The following FRMD4A variants were observed in gnomAD, a reference collection of about 807,000 sequenced individuals.
The protein encoded by FRMD4A is FERM domain containing 4A.
In FRMD4A, 29 loss-of-function variants were observed where a neutral mutation model predicts 129.1. The observed-to-expected ratio is 0.22, with a 90% CI of 0.17 to 0.31. The LOEUF (loss-of-function observed/expected upper bound fraction) is 0.31. Among genes scored for constraint, FRMD4A ranks in the 10% least tolerant of loss-of-function variants. The pLI is 1.00. For missense variants in FRMD4A, 1,272 were observed against 1,375.8 expected (o/e 0.92, Z 1.19); for synonymous variants, 634 against 571.6 (o/e 1.11, Z -1.56).
chr10:13,835,523 G>A (rs555895630), intron 3 of FRMD4A, among the ~76,000 whole-genome samples: 4 of 152,082 alleles, frequency 2.6e-5, no homozygotes, highest in East Asian at 1.9e-4. Context: ...TCCCCATCGC[G>A]CATTATTGCC....
intron 2 of FRMD4A, among the ~76,000 whole-genome samples, chr10:14,045,271 C>T (rs1274754218): frequency 1.3e-5 from 2 of 152,160 alleles, no homozygotes; most frequent in Non-Finnish European, 2.9e-5. Context: ...CTTCAGCACA[C>T]CTTTGCCTTT....
At chr10:13,851,837 T>C (rs1322845944) in intron 3 of FRMD4A, among the ~76,000 whole-genome samples, 1 of 151,254 alleles carries the variant, frequency 6.6e-6, no homozygotes, top group Non-Finnish European at 1.5e-5. Context: ...GAGGCGAAGG[T>C]TACAGTGAGC....
intron 2 of FRMD4A, chr10:14,097,121 G>T (rs145468564): frequency 9.4e-6 from 1 of 106,344 alleles, no homozygotes; most frequent in Admixed American, 1.5e-4. Context: ...CAGCCTGCAC[G>T]ACACAGTGAG....
chr10:14,201,906 G>C (rs1349535333), intron 2 of FRMD4A, among the ~76,000 whole-genome samples: 3 of 152,116 alleles, frequency 2.0e-5, no homozygotes, highest in African/African-American at 7.2e-5. Context: ...TGAGGCGGCT[G>C]GATCATAAGG....
chr10:13,733,714 A>G (rs1291085156), intron 12 of FRMD4A, among the ~76,000 whole-genome samples: 3 of 152,316 alleles, frequency 2.0e-5, no homozygotes, highest in Non-Finnish European at 4.4e-5. Flanking sequence ...GGCGTGAGCC[A>G]CCTCACCTGG....
intron 2 of FRMD4A, among the ~76,000 whole-genome samples, chr10:14,181,135 A>G (rs1228232838): frequency 6.6e-6 from 1 of 152,256 alleles, no homozygotes; most frequent in African/African-American, 2.4e-5. Context: ...AAAGTGTCTC[A>G]CAGTGGGAAA....
chr10:14,001,332 C>A (rs2095642216), intron 2 of FRMD4A, among the ~76,000 whole-genome samples: 1 of 152,154 alleles, frequency 6.6e-6, no homozygotes, highest in Non-Finnish European at 1.5e-5. Flanking sequence ...GATGGTGAGG[C>A]ATGACGAGGG....
In FRMD4A at chr10:13,711,204, A is replaced by G. The variant is rs116248434; in HGVS notation, c.760-4091T>C. ...CCAGGGCCGGGGTGCAGCTTGCTGG[A>G]AAAGCATCATTTTCTTCATGGGGTC... On this transcript the variant is annotated intron_variant, in intron 12 of 24. Transcript: ENST00000357447. Among the ~76,000 whole-genome samples, 1,030 of 152,336 alleles carry G rather than the reference A, an allele frequency of 6.8e-3. 10 individuals carry two copies. Among genetic ancestry groups the G allele is most frequent in the African/African-American group, 0.024 (977 of 41,564 alleles).
At chr10:13,664,009 TC>T (rs779422594) in intron 18 of FRMD4A, among the ~76,000 whole-genome samples, 9 of 152,180 alleles carry the variant, frequency 5.9e-5, no homozygotes, top group Non-Finnish European at 1.3e-4. Flanking sequence ...AAATACAGGC[TC>T]CATCTCTCCA....
intron 2 of FRMD4A, among the ~76,000 whole-genome samples, chr10:14,098,811 C>T (rs981079652): frequency 3.3e-5 from 5 of 152,174 alleles, no homozygotes; most frequent in Admixed American, 6.5e-5. Flanking sequence ...CTGAGACCTT[C>T]GCTCACACCA....
At chr10:13,738,021 G>A (rs910318643) in intron 11 of FRMD4A, 91 bp from the exon 12 acceptor site, 3 of 744,046 alleles carry the variant, frequency 4.0e-6, no homozygotes, top group Non-Finnish European at 7.2e-6. Context: ...GGCAGACGAG[G>A]GAAAGGGCCA....
In FRMD4A at chr10:14,191,046, C is replaced by T. The variant is rs930690607; in HGVS notation, c.45+139012G>A. ...CCAACTTTAGCCAGTTCTTTTATCTCACAGGTGGAGAGAGTTTTAGTGTCG... is the reference window on the plus strand; with the variant it reads ...CCAACTTTAGCCAGTTCTTTTATCTTACAGGTGGAGAGAGTTTTAGTGTCG... On this transcript the variant is annotated intron_variant, in intron 2 of 24. Coordinates refer to ENST00000357447, the MANE Select transcript of FRMD4A (RefSeq NM_018027.5). Among the ~76,000 whole-genome samples, 10 of 152,310 alleles carry T rather than the reference C, an allele frequency of 6.6e-5. No individual in the cohort carries two copies. In the Middle Eastern group the frequency reaches 0.01, roughly 155 times the overall value.
chr10:13,857,914 T>C (rs183443287), intron 3 of FRMD4A, among the ~76,000 whole-genome samples: 4 of 152,288 alleles, frequency 2.6e-5, no homozygotes, highest in African/African-American at 7.2e-5. Flanking sequence ...TAAGAACAAG[T>C]TGAAAAAGGT....
chr10:14,138,168 C>T (rs1839643098), intron 2 of FRMD4A, among the ~76,000 whole-genome samples: 1 of 152,164 alleles, frequency 6.6e-6, no homozygotes, highest in African/African-American at 2.4e-5. Flanking sequence ...CTTGTTCATT[C>T]ATTCACAAAC....
intron 3 of FRMD4A, among the ~76,000 whole-genome samples, chr10:13,835,574 C>T (rs2093860400): frequency 6.6e-6 from 1 of 152,100 alleles, no homozygotes; most frequent in Non-Finnish European, 1.5e-5. Flanking sequence ...GCATTAGATA[C>T]TCATAGGAGT....
intron 2 of FRMD4A, among the ~76,000 whole-genome samples, chr10:14,091,050 C>T (rs147604932): frequency 6.6e-6 from 1 of 152,250 alleles, no homozygotes; most frequent in East Asian, 1.9e-4. Flanking sequence ...ACCAGCAAAA[C>T]ATTAGAATGA....
chr10:14,017,749 G>A (rs1372898732), intron 2 of FRMD4A, among the ~76,000 whole-genome samples: 5 of 152,170 alleles, frequency 3.3e-5, no homozygotes, highest in Non-Finnish European at 7.3e-5. Context: ...AGGGTCAACT[G>A]TCCATTTGCT....
At chr10:13,890,883 T>G (rs2094687660) in intron 2 of FRMD4A, 1 of 984,072 alleles carries the variant, frequency 1.0e-6, no homozygotes, top group African/African-American at 1.7e-5. Context: ...CCTTGGAAAT[T>G]TCGCAGAATA....
At chr10:13,995,151 T>G (rs1024728592) in intron 2 of FRMD4A, among the ~76,000 whole-genome samples, 3 of 152,190 alleles carry the variant, frequency 2.0e-5, no homozygotes, top group African/African-American at 7.2e-5. Flanking sequence ...TTATGCCACC[T>G]TAAGGCCATT....
Sources: gnomAD v4.1 joint callset for allele counts (sites outside exome capture counted in the v4.1 genomes callset) on GRCh38, gnomAD v4.1.1 for gene constraint, MANE v1.5 for transcripts, NCBI Gene and HGNC (gene_info 2026-07-23, HGNC 2026-07-21) for gene names.